GRM4: variants seen among roughly 807,000 people sequenced by gnomAD.
GRM4 encodes the protein glutamate metabotropic receptor 4, also known as metabotropic glutamate receptor 4.
A neutral mutation model predicts 81.7 loss-of-function variants in GRM4; 28 were observed. The observed-to-expected ratio is 0.34, with a 90% CI of 0.25 to 0.47. GRM4 has a LOEUF of 0.47. Ranked by LOEUF, GRM4 falls within the 20% of genes least tolerant of loss-of-function variation. The pLI is 1.00. For synonymous variants in GRM4, 488 were observed against 528.8 expected (o/e 0.92, Z 1.06); for missense variants, 948 against 1,290.0 (o/e 0.73, Z 4.06).
rs142742990 is a variant in GRM4, at chr6:34,152,696, C to T, written c.312+2383G>A. ...CATTTTAATGGCGTTTGATTGGATC[C>T]GATGCGCTTTTAATTCCCTCCTGGG... On this transcript the variant is annotated intron_variant, in intron 1 of 8. Transcript: ENST00000374177. The surrounding 1 kb of genome is among the most constrained non-coding windows in gnomAD (Gnocchi z 4.1). Among the ~76,000 whole-genome samples, 331 of 152,270 alleles carry T rather than the reference C, an allele frequency of 2.2e-3. 4 individuals are homozygous for T. The highest frequency in any genetic ancestry group is 7.2e-3 in the African/African-American group (300 of 41,538).
rs757032284 is a variant in GRM4, at chr6:34,132,150, G to C, written c.519+828C>G. Among the ~76,000 whole-genome samples, 39 of 151,860 alleles carry C rather than the reference G, an allele frequency of 2.6e-4. 1 individual carries two copies. The highest frequency in any genetic ancestry group is 1.2e-3 in the Admixed American group (18 of 15,170). ...TTGCAAATCAGCAGCTCTTGCCCCA[G>C]GAAGAGAGGAAAGGAGGCGGCAAGG... is the stretch of plus-strand genomic sequence containing the variant. On this transcript the variant is annotated intron_variant, in intron 2 of 10. Transcript: ENST00000538487.
rs746917309 is a variant in GRM4, at chr6:34,133,158, G to T, written c.339C>A (p.Thr113=). 1.9e-5 allele frequency: 30 copies of T among 1,613,926 alleles called. No individual in the cohort carries two copies. The highest frequency in any genetic ancestry group is 2.5e-6 in the Non-Finnish European group (3 of 1,179,912). The change falls in exon 2 of 11, where the codon ACC becomes ACA. Residue 113 remains threonine, a synonymous_variant. Coordinates refer to ENST00000538487, the MANE Select transcript of GRM4 (RefSeq NM_000841.4). This position sits in a 1 kb window ranked among gnomAD's most constrained non-coding sequence, Gnocchi z 6.5. ...ARILDTCSRD[T]HALEQSLTFV... is the part of the protein sequence containing the mutation. ...AGGTCAGCGACTGCTCGAGGGCATG[G>T]GTGTCCCTGGAGCAGGTGTCCAGAA...
At chr6:34,153,571 C>T (rs1394959640) in intron 1 of GRM4, among the ~76,000 whole-genome samples, 1 of 152,232 alleles carries the variant, frequency 6.6e-6, no homozygotes, top group Non-Finnish European at 1.5e-5. Context: ...AACAGAACCA[C>T]AGGAAACTTG....
chr6:34,107,560 A>G (rs762985470), intron 2 of GRM4, among the ~76,000 whole-genome samples: 13 of 152,172 alleles, frequency 8.5e-5, no homozygotes, highest in Admixed American at 2.0e-4. Context: ...CCAGGGTAGC[A>G]ATGGAGCACT....
At chr6:34,067,327 GTCCTTTCT>G (rs368487803) in intron 3 of GRM4, among the ~76,000 whole-genome samples, 1 of 151,912 alleles carries the variant, frequency 6.6e-6, no homozygotes, top group East Asian at 1.9e-4. Flanking sequence ...TCAGGTCTAT[GTCCTTTCT>G]TCCTTTCTTC....
intron 10 of GRM4, among the ~76,000 whole-genome samples, chr6:34,023,348 C>T (rs74814471): frequency 0.029 from 4,415 of 152,324 alleles, 167 homozygotes; most frequent in African/African-American, 0.091. Flanking sequence ...TTCAACCACA[C>T]GCATTTTGGA....
chr6:34,066,990 C>T (rs997581450), intron 3 of GRM4, among the ~76,000 whole-genome samples: 1 of 152,132 alleles, frequency 6.6e-6, no homozygotes, highest in East Asian at 1.9e-4. Context: ...CTTCCTCCAC[C>T]TTCCTCCATG....
rs779748337 is a variant in GRM4 at position 34,022,776 on chromosome 6, AC to A, written c.*44del. 4.5e-6 allele frequency: 7 copies of A among 1,569,514 alleles called. No individual in the cohort carries two copies. In the African/African-American group the frequency reaches 9.5e-5, roughly 21 times the overall value. ...GTGGCCCTGGCCCGACGCACCTTCC[AC>A]AGGGTCACGGCTCCTCCTCCTGCTG... On this transcript the variant is annotated 3_prime_UTR_variant, in exon 11 of 11. Coordinates refer to ENST00000538487, the MANE Select transcript of GRM4 (RefSeq NM_000841.4). The surrounding 1 kb of genome is among the most constrained non-coding windows in gnomAD (Gnocchi z 5.6).
At chr6:34,142,364 G>T (rs1770727702) in intron 1 of GRM4, among the ~76,000 whole-genome samples, 1 of 152,214 alleles carries the variant, frequency 6.6e-6, no homozygotes, top group Admixed American at 6.5e-5. Context: ...CTGCCCACTG[G>T]AAAGTTGGGT....
intron 6 of GRM4, among the ~76,000 whole-genome samples, chr6:34,050,366 A>C (rs35878783): frequency 0.012 from 1,835 of 152,244 alleles, 18 homozygotes; most frequent in Middle Eastern, 0.037. Flanking sequence ...ATGTGTTTGA[A>C]TCATGGGGGC....
At chr6:34,076,233 C>G (rs1203037932) in intron 3 of GRM4, among the ~76,000 whole-genome samples, 1 of 152,262 alleles carries the variant, frequency 6.6e-6, no homozygotes, top group Non-Finnish European at 1.5e-5. Flanking sequence ...GCAGGCCAAG[C>G]ATGTCTCCCT....
intron 1 of GRM4, among the ~76,000 whole-genome samples, chr6:34,142,333 T>G (rs1264091277): frequency 6.6e-6 from 1 of 152,166 alleles, no homozygotes; most frequent in Non-Finnish European, 1.5e-5. Flanking sequence ...CAGGCCCAGC[T>G]GTCCAGGCTG....
exon 1 of GRM4, chr6:34,155,116 G>C (rs1267577368): frequency 1.3e-6 from 2 of 1,529,408 alleles, no homozygotes; most frequent in African/African-American, 1.4e-5. Flanking sequence ...GGGGCGGCGG[G>C]GGTCTATTTC....
At chr6:34,060,180 C>T (rs866537130) in intron 4 of GRM4, 3 of 152,294 alleles carry the variant, frequency 2.0e-5, no homozygotes, top group Middle Eastern at 3.4e-3. Context: ...CATCTCATCC[C>T]ACCCCACCCT....
chr6:34,071,829 AGCAC>A (rs1766890360), intron 3 of GRM4, among the ~76,000 whole-genome samples: 2 of 106,446 alleles, frequency 1.9e-5, no homozygotes, highest in Non-Finnish European at 3.9e-5. Context: ...ACACACAGAC[AGCAC>A]CACACAGATA....
At chr6:34,099,561 T>C (rs1340537416) in intron 2 of GRM4, among the ~76,000 whole-genome samples, 1 of 151,714 alleles carries the variant, frequency 6.6e-6, no homozygotes, top group African/African-American at 2.4e-5. Context: ...GGCCAGCACA[T>C]AGAGAGGATG....
upstream of GRM4, among the ~76,000 whole-genome samples, chr6:34,149,674 G>A (rs571666515): frequency 6.6e-6 from 1 of 152,192 alleles, no homozygotes; most frequent in African/African-American, 2.4e-5. Flanking sequence ...AGGTATGAGT[G>A]ACACCTTTGA....
In GRM4 at chr6:34,111,255, C is replaced by T. The variant is rs561795320; in HGVS notation, c.520-19156G>A. 3.9e-4 allele frequency among the ~76,000 whole-genome samples: 59 copies of T among 151,986 alleles called. No individual in the cohort carries two copies. Among genetic ancestry groups the T allele is most frequent in the Middle Eastern group, 3.4e-3 (1 of 294 alleles). ...CACTGAGCATCCCTAGACACCCCCACCCCACACACATTCAAGAGCAGCAGC... is the reference window on the plus strand; with the variant it reads ...CACTGAGCATCCCTAGACACCCCCATCCCACACACATTCAAGAGCAGCAGC... On this transcript the variant is annotated intron_variant, in intron 2 of 10. Coordinates refer to ENST00000538487, the MANE Select transcript of GRM4 (RefSeq NM_000841.4). This position sits in a 1 kb window ranked among gnomAD's most constrained non-coding sequence, Gnocchi z 5.1.
chr6:34,081,946 C>T (rs967922232), intron 3 of GRM4, among the ~76,000 whole-genome samples: 1 of 152,128 alleles, frequency 6.6e-6, no homozygotes, highest in Non-Finnish European at 1.5e-5. Flanking sequence ...GGCCCAAACC[C>T]GAGCTGGGGT....
Sources: gnomAD v4.1 joint callset for allele counts (sites outside exome capture counted in the v4.1 genomes callset) on GRCh38, gnomAD v4.1.1 for gene constraint, Gnocchi (gnomAD v3.1) non-coding constraint, MANE v1.5 for transcripts, NCBI Gene and HGNC (gene_info 2026-07-23, HGNC 2026-07-21) for gene names.